PLEKHG4B: variants seen among roughly 807,000 people sequenced by gnomAD.
The protein encoded by PLEKHG4B is pleckstrin homology and RhoGEF domain containing G4B.
PLEKHG4B carries 111 observed loss-of-function variants against 121.3 expected under a neutral mutation model. The observed-to-expected ratio is 0.92, with a 90% CI of 0.78 to 1.07. The LOEUF (loss-of-function observed/expected upper bound fraction) is 1.07. PLEKHG4B is among the 50% of genes least tolerant of loss of function. The pLI, the probability that PLEKHG4B is intolerant of heterozygous loss-of-function variation, is 0.00. For synonymous variants in PLEKHG4B, 738 were observed against 725.0 expected, an observed-to-expected ratio of 1.02 and a Z score of -0.29; for missense variants, 1,831 against 1,757.8, an observed-to-expected ratio of 1.04 and a Z score of -0.74.
intron 2 of PLEKHG4B, among the ~76,000 whole-genome samples, chr5:127,937 C>T (rs765300975): frequency 1.2e-4 from 18 of 152,118 alleles, no homozygotes; most frequent in Non-Finnish European, 2.1e-4. Context: ...GGCAGGACAA[C>T]TAGGGGATTT....
intron 13 of PLEKHG4B, among the ~76,000 whole-genome samples, chr5:164,748 TCA>T (rs1223340767): frequency 1.8e-5 from 2 of 108,662 alleles, no homozygotes; most frequent in African/African-American, 3.9e-5. Flanking sequence ...GGGGCGGGGC[TCA>T]CAGTAATCCT....
intron 7 of PLEKHG4B, among the ~76,000 whole-genome samples, chr5:153,275 G>A (rs550656689): frequency 7.2e-5 from 11 of 152,182 alleles, no homozygotes; most frequent in African/African-American, 2.7e-4. Flanking sequence ...GGTCATCTCT[G>A]GGTTGGCCTC....
intron 8 of PLEKHG4B, 58 bp downstream of exon 8, chr5:155,049 T>A: frequency 7.0e-7 from 1 of 1,419,184 alleles, no homozygotes; most frequent in Non-Finnish European, 9.9e-7. Flanking sequence ...TTCTGTTATG[T>A]GGTTGTTTTT....
Position 156,981 on chromosome 5 carries a change from T to C in PLEKHG4B, c.2487+70T>C. 1.3e-6 allele frequency: 2 copies of C among 1,566,164 alleles called. No homozygotes were observed. Among genetic ancestry groups the C allele is most frequent in the Non-Finnish European group, 1.7e-6 (2 of 1,150,416 alleles). ...GGCCAGGCTGGCCAAGGCAACCCTC[T>C]CACCTTCACACTGTGTCTTTAGGGC... On this transcript the variant is annotated intron_variant, in intron 11 of 19. Transcript: ENST00000637938. The surrounding 1 kb of genome is among the most constrained non-coding windows in gnomAD (Gnocchi z 4.4).
Position 181,608 on chromosome 5 carries a change from A to T in PLEKHG4B, c.4497A>T (p.Ile1499=). 3.1e-6 allele frequency: 5 copies of T among 1,613,912 alleles called. No individual in the cohort carries two copies. Among genetic ancestry groups the T allele is most frequent in the Non-Finnish European group, 4.2e-6 (5 of 1,179,868 alleles). The part of the protein sequence containing the change: ...PRDRTPDCAV[I]SDRAPKCAVM... ...ACCGGACCCCTGACTGTGCAGTGAT[A>T]AGCGACCGGGCTCCCAAATGTGCAG... Residue 1499 remains isoleucine (I), a synonymous_variant, in exon 19 of 20, where the codon ATA becomes ATT. Coordinates refer to ENST00000637938, the MANE Select transcript of PLEKHG4B (RefSeq NM_052909.5).
chr5:112,807 C>T (rs569807863), intron 1 of PLEKHG4B, among the ~76,000 whole-genome samples: 1 of 152,314 alleles, frequency 6.6e-6, no homozygotes, highest in African/African-American at 2.4e-5. Context: ...GTGGTTGTCC[C>T]CTCCTCCCTG....
At chr5:120,958 G>A (rs1734447759) in intron 2 of PLEKHG4B, among the ~76,000 whole-genome samples, 1 of 152,130 alleles carries the variant, frequency 6.6e-6, no homozygotes, top group Admixed American at 6.5e-5. Flanking sequence ...TTTAAAAGAA[G>A]AAAATGGGCC....
intron 2 of PLEKHG4B, among the ~76,000 whole-genome samples, chr5:124,464 G>C (rs1246185144): frequency 6.6e-6 from 1 of 152,180 alleles, no homozygotes; most frequent in Non-Finnish European, 1.5e-5. Flanking sequence ...TCTGTCCATT[G>C]ACAGTGAAAC....
In PLEKHG4B at chr5:139,118, C is replaced by T. The variant is rs913091397; in HGVS notation, c.244-365C>T. The stretch of plus-strand genomic sequence containing the variant: ...CAGGGCTGGCAGGGGCAAGTGTGGA[C>T]GCCCGGCCCCTTGCCCAGGCTGGGA... On this transcript the variant is annotated intron_variant, in intron 2 of 19. Coordinates refer to ENST00000637938, the MANE Select transcript of PLEKHG4B (RefSeq NM_052909.5). This position sits in a 1 kb window ranked among gnomAD's most constrained non-coding sequence, Gnocchi z 5.0. Among the ~76,000 whole-genome samples the T allele has an allele frequency of 1.3e-4, 20 of 152,176 alleles. No homozygotes were observed. Among genetic ancestry groups the T allele is most frequent in the African/African-American group, 4.6e-4 (19 of 41,442 alleles).
At chr5:100,212 A>G (rs1733764074) in intron 1 of PLEKHG4B, among the ~76,000 whole-genome samples, 1 of 152,198 alleles carries the variant, frequency 6.6e-6, no homozygotes, top group Admixed American at 6.5e-5. Flanking sequence ...AAAAATGTAA[A>G]TTTTGAAATA....
chr5:188,571 TCA>T lies in PLEKHG4B; in HGVS notation c.*6253_*6254del, dbSNP rs201641615. ...GTGTGAAATGACGAGAGCTTTTGTG[TCA>T]CACATGTAGCTGCTACGAGACAGAC... On this transcript the variant is annotated 3_prime_UTR_variant, in exon 20 of 20. Coordinates refer to ENST00000637938, the MANE Select transcript of PLEKHG4B (RefSeq NM_052909.5). The T allele has an allele frequency of 6.6e-6, 1 of 151,148 alleles. No homozygotes were observed. Among genetic ancestry groups the T allele is most frequent in the Non-Finnish European group, 1.5e-5 (1 of 67,176 alleles). 9.4% of individuals were successfully genotyped at this position (151,148 alleles called of 1,614,324 possible).
At chr5:99,893 T>C (rs1303201698) in intron 1 of PLEKHG4B, among the ~76,000 whole-genome samples, 1 of 152,130 alleles carries the variant, frequency 6.6e-6, no homozygotes, top group African/African-American at 2.4e-5. Flanking sequence ...TGGAGGAAGT[T>C]TCTTTCTATT....
At chr5:134,553 G>T (rs1239364025) in intron 2 of PLEKHG4B, among the ~76,000 whole-genome samples, 1 of 151,426 alleles carries the variant, frequency 6.6e-6, no homozygotes, top group Non-Finnish European at 1.5e-5. Context: ...ATCACTTGAG[G>T]TCAGGAGTTC....
intron 18 of PLEKHG4B, among the ~76,000 whole-genome samples, chr5:174,316 G>T (rs1195866202): frequency 1.5e-5 from 2 of 132,022 alleles, no homozygotes; most frequent in Non-Finnish European, 3.2e-5. Flanking sequence ...TGAATCCAGG[G>T]GCCAGGGGGC....
intron 13 of PLEKHG4B, among the ~76,000 whole-genome samples, chr5:164,340 C>T (rs12514603): frequency 0.45 from 68,343 of 152,134 alleles, 15,719 homozygotes; most frequent in African/African-American, 0.52. Flanking sequence ...CAGTAGTGTT[C>T]GTGCTTCTCC....
Position 156,255 on chromosome 5 carries a change from A to T in PLEKHG4B, c.2348+45A>T. The T allele has an allele frequency of 7.2e-7, 1 of 1,392,428 alleles. No individual in the cohort carries two copies. Among genetic ancestry groups the T allele is most frequent in the Non-Finnish European group, 9.4e-7 (1 of 1,066,634 alleles). The allele number at this position is 1,392,428 out of a possible 1,614,324, so 86.3% of individuals were successfully genotyped here. On this transcript the variant is annotated intron_variant, in intron 10 of 19. Transcript: ENST00000637938. The surrounding 1 kb of genome is among the most constrained non-coding windows in gnomAD (Gnocchi z 4.4). Reference sequence around the variant, plus strand: ...ATGCTGGGCCCTGGCCCATCGAGGGAGCTGCTCGGGGGAGTTTGCACCAGG... The same window carrying T: ...ATGCTGGGCCCTGGCCCATCGAGGGTGCTGCTCGGGGGAGTTTGCACCAGG...
At chr5:104,115 CG>C in intron 1 of PLEKHG4B, among the ~76,000 whole-genome samples, 1 of 146,284 alleles carries the variant, frequency 6.8e-6, no homozygotes, top group African/African-American at 2.6e-5. Context: ...GTCCCAGCAC[CG>C]ATTCCTAAAC....
chr5:98,425 CTTTTTTTTTTTTTT>C (rs55733931), intron 1 of PLEKHG4B, among the ~76,000 whole-genome samples: 1 of 46,822 alleles, frequency 2.1e-5, no homozygotes, highest in Non-Finnish European at 3.6e-5. Context: ...TTTACTGTAG[CTTTTTTTTTTTTTT>C]TTTTTTTTTT....
rs116266266 is a variant in PLEKHG4B at position 159,594 on chromosome 5, G to A, written c.2488-2189G>A. Among the ~76,000 whole-genome samples, 1,682 of 152,252 alleles carry A rather than the reference G, an allele frequency of 0.011. 10 individuals are homozygous for A. Among genetic ancestry groups the A allele is most frequent in the Non-Finnish European group, 0.014 (978 of 68,022 alleles). On this transcript the variant is annotated intron_variant, in intron 11 of 19. Transcript: ENST00000637938. The surrounding 1 kb of genome is among the most constrained non-coding windows in gnomAD (Gnocchi z 5.5). ...ACAGTCCCCTCTCCATACTAATCATGATGAGTCTGCACAGTCTGTGGCTTC... is the reference window on the plus strand; with the variant it reads ...ACAGTCCCCTCTCCATACTAATCATAATGAGTCTGCACAGTCTGTGGCTTC...
Sources: gnomAD v4.1 joint callset for allele counts (sites outside exome capture counted in the v4.1 genomes callset) on GRCh38, gnomAD v4.1.1 for gene constraint, Gnocchi (gnomAD v3.1) non-coding constraint, MANE v1.5 for transcripts, NCBI Gene and HGNC (gene_info 2026-07-23, HGNC 2026-07-21) for gene names.